The following PPIP5K2 variants were observed in gnomAD, a reference collection of about 807,000 sequenced individuals.
PPIP5K2 encodes inositol hexakisphosphate and diphosphoinositol-pentakisphosphate kinase 2.
A neutral mutation model predicts 154.6 loss-of-function variants in PPIP5K2; 105 were observed. The ratio of observed to expected loss-of-function variants is 0.68; its 90% CI spans 0.58 to 0.80. PPIP5K2 has a LOEUF of 0.80. Among genes scored for constraint, PPIP5K2 ranks in the 30% least tolerant of loss-of-function variants. The pLI, the probability that PPIP5K2 is intolerant of heterozygous loss-of-function variation, is 0.00. For synonymous variants in PPIP5K2, 480 were observed against 490.3 expected, an observed-to-expected ratio of 0.98 and a Z score of 0.28; for missense variants, 992 against 1,504.6, an observed-to-expected ratio of 0.66 and a Z score of 5.64.
chr5:103,206,872 A>T lies in PPIP5K2; in HGVS notation c.*5238A>T, dbSNP rs1397373963. ...ATGAACAAAAGGTTCCTGCCATCTT[A>T]TGGACCTCAAGGACTGCGGACAGGG... is the stretch of plus-strand genomic sequence containing the variant. On this transcript the variant is annotated 3_prime_UTR_variant, in exon 31 of 31. Coordinates refer to ENST00000358359, the MANE Select transcript of PPIP5K2 (RefSeq NM_001276277.3). The T allele has an allele frequency of 6.6e-6, 1 of 152,310 alleles. No individual in the cohort carries two copies. Among genetic ancestry groups the T allele is most frequent in the Non-Finnish European group, 1.5e-5 (1 of 68,128 alleles). The allele number at this position is 152,310 out of a possible 1,614,324, so 9.4% of individuals were successfully genotyped here.
intron 2 of PPIP5K2, 100 bp from the exon 3 acceptor site, chr5:103,133,353 T>G (rs1185367539): frequency 9.6e-6 from 8 of 837,692 alleles, no homozygotes; most frequent in Non-Finnish European, 1.4e-5. Flanking sequence ...TTTTATTTAT[T>G]AATCACATGC....
At chr5:103,133,775 T>A in intron 3 of PPIP5K2, 127 bp downstream of exon 3, 1 of 682,668 alleles carries the variant, frequency 1.5e-6, no homozygotes, top group Non-Finnish European at 2.2e-6. Context: ...CAGGTAATAT[T>A]AACATTGTGA....
intron 30 of PPIP5K2, among the ~76,000 whole-genome samples, chr5:103,200,538 G>T (rs1398065415): frequency 6.6e-6 from 1 of 151,870 alleles, no homozygotes; most frequent in East Asian, 1.9e-4. Context: ...AGATTGGTCT[G>T]ATAGAAGCTT....
chr5:103,195,852 C>T (rs1349950602), intron 30 of PPIP5K2, among the ~76,000 whole-genome samples: 1 of 152,096 alleles, frequency 6.6e-6, no homozygotes, highest in African/African-American at 2.4e-5. Context: ...CTCAAATGTT[C>T]TTTTGGTTAA....
Position 103,167,289 on chromosome 5 carries a change from C to CA in PPIP5K2, c.2032dup (p.Arg678LysfsTer8). On this transcript the variant is annotated frameshift_variant, in exon 18 of 31. Coordinates refer to ENST00000358359, the MANE Select transcript of PPIP5K2 (RefSeq NM_001276277.3). LOFTEE classifies it high-confidence loss of function. ...TAATTCAGAGTTTGACTTCTCAAAT[C>CA]AGACATCGAATGGAAGATCCTAAAT... The CA allele has an allele frequency of 6.3e-7, 1 of 1,589,468 alleles. No homozygotes were observed. Among genetic ancestry groups the CA allele is most frequent in the Admixed American group, 1.8e-5 (1 of 56,656 alleles).
At chr5:103,137,214 G>A (rs905397059) in intron 4 of PPIP5K2, among the ~76,000 whole-genome samples, 2 of 148,540 alleles carry the variant, frequency 1.3e-5, no homozygotes, top group African/African-American at 2.5e-5. Flanking sequence ...CCAGTCTGGA[G>A]TGCAGTGGCG....
chr5:103,127,869 A>G (rs1789960535), intron 1 of PPIP5K2, among the ~76,000 whole-genome samples: 1 of 152,130 alleles, frequency 6.6e-6, no homozygotes, highest in Admixed American at 6.5e-5. Flanking sequence ...TTGCCATTTG[A>G]TAGGAAACAG....
intron 27 of PPIP5K2, among the ~76,000 whole-genome samples, chr5:103,186,816 ATAAG>A (rs1800461782): frequency 6.6e-6 from 1 of 152,224 alleles, no homozygotes; most frequent in South Asian, 2.1e-4. Context: ...TGGAATGTTT[ATAAG>A]TAGAGGACAA....
chr5:103,188,987 C>G (rs1554226017), intron 28 of PPIP5K2: 1 of 460,568 alleles, frequency 2.2e-6, no homozygotes, highest in Non-Finnish European at 3.8e-6. Flanking sequence ...GTTGTCTTAT[C>G]TGTCCTATGA....
chr5:103,128,294 T>G (rs1227565521), intron 1 of PPIP5K2, among the ~76,000 whole-genome samples: 6 of 152,212 alleles, frequency 3.9e-5, no homozygotes, highest in African/African-American at 1.2e-4. Flanking sequence ...AGTTTCATCT[T>G]GGTATATAAT....
At position 103,192,532 on chromosome 5, in the gene PPIP5K2, T is replaced by G. The variant is rs1801397381; in HGVS notation, c.3493+1550T>G. On this transcript the variant is annotated intron_variant, in intron 29 of 30. Coordinates refer to ENST00000358359, the MANE Select transcript of PPIP5K2 (RefSeq NM_001276277.3). ...TAGTAAATAAGAGTTTAGGGGTAGA[T>G]CTCAACACTATTTAGATTGTAGAAG... Among the ~76,000 whole-genome samples, 3 of 152,238 alleles carry G rather than the reference T, an allele frequency of 2.0e-5. No individual in the cohort carries two copies. The South Asian group carries it at 6.2e-4, about 32-fold the overall frequency.
At chr5:103,147,548 T>C (rs565341485) in intron 6 of PPIP5K2, among the ~76,000 whole-genome samples, 1 of 152,118 alleles carries the variant, frequency 6.6e-6, no homozygotes, top group East Asian at 1.9e-4. Flanking sequence ...GCAACATTAT[T>C]GTAATCACCA....
chr5:103,183,724 C>CTTATCTTTT (rs1799931775), intron 25 of PPIP5K2, among the ~76,000 whole-genome samples: 3 of 151,954 alleles, frequency 2.0e-5, no homozygotes, highest in Non-Finnish European at 4.4e-5. Flanking sequence ...TCTTTTTTGA[C>CTTATCTTTT]TTGTCTTTTA....
In PPIP5K2 at chr5:103,177,851, T is replaced by C; in HGVS notation, c.2638-13T>C. 1.2e-6 allele frequency: 2 copies of C among 1,604,990 alleles called. No individual in the cohort carries two copies. Among genetic ancestry groups the C allele is most frequent in the South Asian group, 1.1e-5 (1 of 90,752 alleles). On this transcript the variant is annotated splice_polypyrimidine_tract_variant and intron_variant, in intron 22 of 30. Transcript: ENST00000358359. ...AGTTTCTCATTTTGAAAATGTTCTG[T>C]CATATTTCTTAGGATCTTTCCTCAG... is the stretch of plus-strand genomic sequence containing the variant.
chr5:103,132,758 A>G lies in PPIP5K2; in HGVS notation c.115-695A>G, dbSNP rs889582365. Among the ~76,000 whole-genome samples, 84 of 152,216 alleles carry G rather than the reference A, an allele frequency of 5.5e-4. 1 individual carries two copies. The highest frequency in any genetic ancestry group is 2.0e-3 in the African/African-American group (83 of 41,460). The stretch of plus-strand genomic sequence containing the variant: ...CAAGCACTTAAATGCAAAGATCACC[A>G]AATGAATCTTGAGTAATTTTATAAA... On this transcript the variant is annotated intron_variant, in intron 2 of 30. Coordinates refer to ENST00000358359, the MANE Select transcript of PPIP5K2 (RefSeq NM_001276277.3).
intron 7 of PPIP5K2, 39 bp from the exon 8 acceptor site, chr5:103,149,113 C>T: frequency 6.8e-7 from 1 of 1,467,978 alleles, no homozygotes; most frequent in South Asian, 1.3e-5. Flanking sequence ...CACACACATA[C>T]ATATATATAT....
chr5:103,160,826 C>T (rs781928251), intron 17 of PPIP5K2, among the ~76,000 whole-genome samples: 2 of 152,006 alleles, frequency 1.3e-5, no homozygotes, highest in Non-Finnish European at 2.9e-5. Flanking sequence ...CCTGGTATGG[C>T]ACCTGTGCAA....
At chr5:103,183,165 T>G in intron 24 of PPIP5K2, 69 bp from the exon 25 acceptor site, 1 of 1,227,636 alleles carries the variant, frequency 8.1e-7, no homozygotes, top group Non-Finnish European at 1.1e-6. Context: ...TATCTAACTT[T>G]GCATGCTCTG....
chr5:103,177,844 T>C lies in PPIP5K2; in HGVS notation c.2638-20T>C, dbSNP rs80223758. The C allele has an allele frequency of 6.2e-7, 1 of 1,602,132 alleles. No individual in the cohort carries two copies. The highest frequency in any genetic ancestry group is 1.3e-5 in the African/African-American group (1 of 74,642). ...AGCTTAAAGTTTCTCATTTTGAAAA[T>C]GTTCTGTCATATTTCTTAGGATCTT... On this transcript the variant is annotated intron_variant, in intron 22 of 30. Coordinates refer to ENST00000358359, the MANE Select transcript of PPIP5K2 (RefSeq NM_001276277.3).
Sources: allele counts gnomAD v4.1 joint callset (sites outside exome capture counted in the v4.1 genomes callset), GRCh38; gene constraint gnomAD v4.1.1; transcripts MANE v1.5; gene names NCBI Gene and HGNC (gene_info 2026-07-23, HGNC 2026-07-21).